Variants in SMU1 observed in about 807,000 individuals in gnomAD.
SMU1 encodes the protein SMU1 DNA replication regulator and spliceosomal factor.
Under a neutral mutation model 62.0 loss-of-function variants are expected in SMU1, and 2 were observed. The observed-to-expected ratio is 0.03, with a 90% confidence interval of 0.01 to 0.10. The LOEUF is 0.10. Among genes scored for constraint, SMU1 ranks in the 10% least tolerant of loss-of-function variants. The pLI is 1.00. For synonymous variants in SMU1, 188 were observed against 212.4 expected (o/e 0.89, Z 1.00); for missense variants, 227 against 622.1 (o/e 0.36, Z 6.76).
chr9:33,066,505 T>TAAAAAAAAAAAAAAAAAAA (rs35501819), intron 4 of SMU1, among the ~76,000 whole-genome samples: 4 of 100,122 alleles, frequency 4.0e-5, no homozygotes, highest in Admixed American at 1.2e-4. Flanking sequence ...TCCATTTAAT[T>TAAAAAAAAAAAAAAAAAAA]AAAAAAAAAA....
intron 10 of SMU1, among the ~76,000 whole-genome samples, chr9:33,052,374 A>C (rs1839260169): frequency 6.6e-6 from 1 of 152,226 alleles, no homozygotes; most frequent in South Asian, 2.1e-4. Flanking sequence ...AGAACTGTGA[A>C]GTGTGCTCAG....
intron 3 of SMU1, among the ~76,000 whole-genome samples, chr9:33,069,334 C>A (rs1176290178): frequency 6.6e-6 from 1 of 152,230 alleles, no homozygotes; most frequent in Non-Finnish European, 1.5e-5. Flanking sequence ...TGGCTCCCAG[C>A]ACAGAAGTGC....
intron 4 of SMU1, among the ~76,000 whole-genome samples, chr9:33,068,251 G>T (rs1270311219): frequency 6.6e-6 from 1 of 152,074 alleles, no homozygotes. Context: ...TCTGGCATAG[G>T]GATCAACTGT....
At chr9:33,051,225 G>A (rs941989937) in intron 10 of SMU1, among the ~76,000 whole-genome samples, 2 of 152,052 alleles carry the variant, frequency 1.3e-5, no homozygotes, top group East Asian at 3.8e-4. Flanking sequence ...AAAAAGTTAC[G>A]TACTTTATGT....
At chr9:33,067,655 C>T (rs1371766028) in intron 4 of SMU1, among the ~76,000 whole-genome samples, 1 of 151,970 alleles carries the variant, frequency 6.6e-6, no homozygotes, top group Admixed American at 6.6e-5. Flanking sequence ...CCTGCCACCA[C>T]GCCCAGCTAA....
intron 4 of SMU1, 120 bp downstream of exon 4, chr9:33,068,704 A>C (rs1348997443): frequency 3.5e-6 from 4 of 1,138,810 alleles, no homozygotes; most frequent in Non-Finnish European, 4.9e-6. Flanking sequence ...AGAGTCTCAC[A>C]ATGTTGCTTA....
rs540489141 is a variant in SMU1, at chr9:33,075,376, C to CA, written c.26+1206dup. 5.4e-3 allele frequency among the ~76,000 whole-genome samples: 738 copies of CA among 136,694 alleles called. 6 individuals carry two copies. Among genetic ancestry groups the CA allele is most frequent in the African/African-American group, 0.013 (504 of 37,640 alleles). 89.7% of individuals were successfully genotyped at this position (136,694 alleles called of 152,430 possible). A position where few individuals can be genotyped will look rare whatever the true frequency, so the allele number is the denominator to read the frequency against. On this transcript the variant is annotated intron_variant, in intron 1 of 11. Transcript: ENST00000397149. ...TGGGTGACAGAGTGAGACTCCGTCT[C>CA]AAAAAAAAAAAAGGGAACTGATTGC...
chr9:33,068,693 CAG>C, intron 4 of SMU1, 129 bp downstream of exon 4: 1 of 1,035,442 alleles, frequency 9.7e-7, no homozygotes, highest in Non-Finnish European at 1.4e-6. Flanking sequence ...TTTGTAGAGA[CAG>C]AGTCTCACAA....
chr9:33,062,460 C>T (rs1839373769), intron 4 of SMU1, among the ~76,000 whole-genome samples: 1 of 152,094 alleles, frequency 6.6e-6, no homozygotes, highest in Admixed American at 6.6e-5. Context: ...ACTTGGAAAA[C>T]AAAGATCTCC....
chr9:33,059,062 A>G (rs1839333798), intron 6 of SMU1, among the ~76,000 whole-genome samples: 1 of 152,228 alleles, frequency 6.6e-6, no homozygotes, highest in Non-Finnish European at 1.5e-5. Flanking sequence ...AACTTCATTT[A>G]TAAGAGAAAT....
chr9:33,066,699 G>A (rs928304866), intron 4 of SMU1, among the ~76,000 whole-genome samples: 17 of 151,998 alleles, frequency 1.1e-4, no homozygotes, highest in African/African-American at 1.9e-4. Context: ...CCAGCTACTC[G>A]GGAGGCTGAG....
intron 9 of SMU1, among the ~76,000 whole-genome samples, chr9:33,054,358 T>C (rs1839283191): frequency 6.6e-6 from 1 of 152,130 alleles, no homozygotes; most frequent in Non-Finnish European, 1.5e-5. Context: ...CCTGAGATTT[T>C]GATGTGGTAG....
intron 2 of SMU1, among the ~76,000 whole-genome samples, chr9:33,072,494 T>C (rs192282758): frequency 9.8e-4 from 149 of 152,222 alleles, no homozygotes; most frequent in Non-Finnish European, 1.5e-3. Flanking sequence ...TTTCTCCAGT[T>C]ACCAAAATTT....
At chr9:33,075,777 AG>A (rs1358255843) in intron 1 of SMU1, among the ~76,000 whole-genome samples, 2 of 152,222 alleles carry the variant, frequency 1.3e-5, no homozygotes, top group African/African-American at 2.4e-5. Context: ...CCTTACACTC[AG>A]ACACAATTTT....
chr9:33,056,081 A>T (rs1383148923), intron 9 of SMU1, 32 bp downstream of exon 9: 1 of 1,583,092 alleles, frequency 6.3e-7, no homozygotes, highest in Non-Finnish European at 8.6e-7. Flanking sequence ...TGGGGTAGAC[A>T]TCCCAAAATA....
At chr9:33,057,070 A>T in intron 7 of SMU1, 106 bp from the exon 8 acceptor site, 1 of 1,239,942 alleles carries the variant, frequency 8.1e-7, no homozygotes, top group Non-Finnish European at 1.1e-6. Context: ...GTACTGAAAC[A>T]GCATTAAAAA....
At chr9:33,073,120 T>C (rs1281482651) in intron 2 of SMU1, among the ~76,000 whole-genome samples, 3 of 152,172 alleles carry the variant, frequency 2.0e-5, no homozygotes, top group South Asian at 2.1e-4. Context: ...GATTAGAAAG[T>C]TGAGGCTCTC....
At chr9:33,057,044 T>C in intron 7 of SMU1, 80 bp from the exon 8 acceptor site, 2 of 1,461,138 alleles carry the variant, frequency 1.4e-6, no homozygotes, top group Non-Finnish European at 1.9e-6. Context: ...CCAAGCAAGA[T>C]GCAATGCTCA....
intron 4 of SMU1, among the ~76,000 whole-genome samples, chr9:33,063,791 A>T (rs1587710601): frequency 6.7e-6 from 1 of 150,358 alleles, no homozygotes; most frequent in South Asian, 2.1e-4. Context: ...CCCCCCTGAC[A>T]CCCCCACCAC....
Sources: gnomAD v4.1 joint callset for allele counts (sites outside exome capture counted in the v4.1 genomes callset) on GRCh38, gnomAD v4.1.1 for gene constraint, MANE v1.5 for transcripts, NCBI Gene and HGNC (gene_info 2026-07-23, HGNC 2026-07-21) for gene names.